Variants in LRRC4C observed in about 807,000 individuals in gnomAD.
LRRC4C encodes leucine rich repeat containing 4C.
Under a neutral mutation model 33.6 loss-of-function variants are expected in LRRC4C, and 5 were observed. The observed-to-expected ratio is 0.15, with a 90% CI of 0.08 to 0.31. The LOEUF (loss-of-function observed/expected upper bound fraction) is 0.31. Ranked by LOEUF, LRRC4C falls within the 10% of genes least tolerant of loss-of-function variation. LRRC4C has a pLI of 1.00. For missense variants in LRRC4C, 560 were observed against 796.7 expected (o/e 0.70, Z 3.58); for synonymous variants, 329 against 302.0 (o/e 1.09, Z -0.93).
At chr11:41,397,251 C>T (rs76209788) in intron 1 of LRRC4C, among the ~76,000 whole-genome samples, 4,360 of 151,976 alleles carry the variant, frequency 0.029, 238 homozygotes, top group African/African-American at 0.099. Flanking sequence ...ATGCCTACCC[C>T]TCCTGCCTCC....
chr11:41,228,471 A>G (rs1160765022), intron 1 of LRRC4C, among the ~76,000 whole-genome samples: 1 of 152,144 alleles, frequency 6.6e-6, no homozygotes, highest in East Asian at 1.9e-4. Context: ...GCTGTGAGAC[A>G]TCTTCTGTCA....
rs142752177 is a variant in LRRC4C, at chr11:41,014,875, G to A, written c.-495-81152C>T. Among the ~76,000 whole-genome samples the A allele has an allele frequency of 1.5e-3, 223 of 151,916 alleles. 3 individuals carry two copies. In the East Asian group the frequency reaches 0.037, roughly 25 times the overall value. Reference sequence around the variant, plus strand: ...AAAAAGATCGTTTTCATTTTTAGTTGAGGAAACTCGGATGTAGACACGTAA... The same window carrying A: ...AAAAAGATCGTTTTCATTTTTAGTTAAGGAAACTCGGATGTAGACACGTAA... On this transcript the variant is annotated intron_variant, in intron 1 of 6. Transcript: ENST00000528697.
intron 1 of LRRC4C, among the ~76,000 whole-genome samples, chr11:41,143,881 A>G (rs182990563): frequency 0.024 from 3,687 of 152,292 alleles, 153 homozygotes; most frequent in African/African-American, 0.084. Flanking sequence ...ATTCTGGCAT[A>G]TTCCTGGTCA....
chr11:40,664,829 G>GT (rs1264256644), intron 2 of LRRC4C, among the ~76,000 whole-genome samples: 1 of 152,000 alleles, frequency 6.6e-6, no homozygotes, highest in Non-Finnish European at 1.5e-5. Flanking sequence ...CAACACGCAT[G>GT]TTTTTTACAT....
chr11:41,133,907 C>T lies in LRRC4C; in HGVS notation c.-495-200184G>A, dbSNP rs78378467. Among the ~76,000 whole-genome samples, 1,245 of 152,194 alleles carry T rather than the reference C, an allele frequency of 8.2e-3. 13 individuals are homozygous for T. The highest frequency in any genetic ancestry group is 0.012 in the Non-Finnish European group (815 of 68,004). ...CTGTAAGCCCCTGCTTCAAGATAGT[C>T]TGCTGAAACTATGTATACCTTCCAA... is the stretch of plus-strand genomic sequence containing the variant. On this transcript the variant is annotated intron_variant, in intron 1 of 6. Coordinates refer to ENST00000528697, the MANE Select transcript of LRRC4C (RefSeq NM_001258419.2).
intron 5 of LRRC4C, among the ~76,000 whole-genome samples, chr11:40,201,257 C>T (rs1399411887): frequency 3.9e-5 from 6 of 152,122 alleles, no homozygotes; most frequent in African/African-American, 1.4e-4. Flanking sequence ...TTTAGAGTTT[C>T]GTTTGCAAAT....
rs931230361 is a variant in LRRC4C at position 40,567,664 on chromosome 11, A to G, written c.-270+80478T>C. On this transcript the variant is annotated intron_variant, in intron 3 of 6. Transcript: ENST00000528697. ...TGAAGTTTGACATACACTTACTAGA[A>G]AATGTAATAATGTAGCATCACTTAG... Among the ~76,000 whole-genome samples, 3 of 152,342 alleles carry G rather than the reference A, an allele frequency of 2.0e-5. No homozygotes were observed. In the East Asian group the frequency reaches 5.8e-4, roughly 29 times the overall value.
chr11:40,626,971 A>C (rs1196108380), intron 3 of LRRC4C, among the ~76,000 whole-genome samples: 1 of 151,952 alleles, frequency 6.6e-6, no homozygotes, highest in Non-Finnish European at 1.5e-5. Context: ...GCTTTCATTG[A>C]AGCCTCCTAG....
chr11:40,196,208 G>A (rs1363251523), intron 5 of LRRC4C, among the ~76,000 whole-genome samples: 2 of 152,082 alleles, frequency 1.3e-5, no homozygotes, highest in Non-Finnish European at 1.5e-5. Context: ...AATTACTTAG[G>A]GCAGACACTA....
At chr11:41,086,263 G>C (rs548004988) in intron 1 of LRRC4C, among the ~76,000 whole-genome samples, 1 of 152,016 alleles carries the variant, frequency 6.6e-6, no homozygotes, top group South Asian at 2.1e-4. Flanking sequence ...TATTTGCTTG[G>C]GCTGAAATTA....
chr11:40,494,937 T>C (rs1178745860), intron 3 of LRRC4C, among the ~76,000 whole-genome samples: 8 of 152,346 alleles, frequency 5.3e-5, no homozygotes. Context: ...TTTTTCCTTC[T>C]GTAAATTATA....
chr11:40,367,483 T>C (rs1365199375), intron 3 of LRRC4C, among the ~76,000 whole-genome samples: 2 of 152,104 alleles, frequency 1.3e-5, no homozygotes, highest in Non-Finnish European at 2.9e-5. Flanking sequence ...CATCACTTTT[T>C]TCTGTCTTAT....
At chr11:40,871,486 A>G (rs542305848) in intron 2 of LRRC4C, among the ~76,000 whole-genome samples, 4 of 152,244 alleles carry the variant, frequency 2.6e-5, no homozygotes, top group African/African-American at 9.6e-5. Flanking sequence ...GAAAATAGAA[A>G]AGAACCTACG....
Position 40,582,433 on chromosome 11 carries a change from T to C in LRRC4C, c.-270+65709A>G, listed in dbSNP as rs1043500173. Among the ~76,000 whole-genome samples the C allele has an allele frequency of 8.6e-5, 13 of 151,598 alleles. 1 individual carries two copies. The highest frequency in any genetic ancestry group is 6.6e-4 in the Admixed American group (10 of 15,212). The stretch of plus-strand genomic sequence containing the variant: ...ACAATCACAGACAGGCTAAAACTCA[T>C]CCATAGTCTTTAAAATTCATTTTAA... On this transcript the variant is annotated intron_variant, in intron 3 of 6. Transcript: ENST00000528697.
intron 2 of LRRC4C, among the ~76,000 whole-genome samples, chr11:40,931,479 C>T (rs79886069): frequency 0.063 from 9,491 of 151,712 alleles, 404 homozygotes; most frequent in Admixed American, 0.15. Context: ...TTATGTTGTC[C>T]CTTTTGTGAG....
At chr11:40,533,406 G>A (rs1021583510) in intron 3 of LRRC4C, among the ~76,000 whole-genome samples, 3 of 151,986 alleles carry the variant, frequency 2.0e-5, no homozygotes, top group Non-Finnish European at 2.9e-5. Context: ...TGGCAGCAAC[G>A]CCAATACGTC....
intron 5 of LRRC4C, among the ~76,000 whole-genome samples, chr11:40,222,973 C>T (rs1864526544): frequency 6.6e-6 from 1 of 152,062 alleles, no homozygotes; most frequent in Non-Finnish European, 1.5e-5. Flanking sequence ...GCATTAAGCT[C>T]AGGAACAGTG....
chr11:40,854,022 C>T (rs1034734927), intron 2 of LRRC4C, among the ~76,000 whole-genome samples: 2 of 151,288 alleles, frequency 1.3e-5, no homozygotes, highest in Admixed American at 1.3e-4. Flanking sequence ...AAACTACTCT[C>T]TTCTCAAACG....
At chr11:40,523,008 G>A in intron 3 of LRRC4C, among the ~76,000 whole-genome samples, 1 of 152,052 alleles carries the variant, frequency 6.6e-6, no homozygotes, top group East Asian at 1.9e-4. Context: ...TGAACATGAG[G>A]GCACAAATAT....
Sources: gnomAD v4.1 joint callset for allele counts (sites outside exome capture counted in the v4.1 genomes callset) on GRCh38, gnomAD v4.1.1 for gene constraint, MANE v1.5 for transcripts, NCBI Gene and HGNC (gene_info 2026-07-23, HGNC 2026-07-21) for gene names.